Variants in PCNX2 observed in about 807,000 individuals in gnomAD.
PCNX2 encodes the protein pecanex-like protein 2.
PCNX2 carries 168 observed loss-of-function variants against 223.8 expected under a neutral mutation model. That is an observed-to-expected ratio of 0.75 (90% CI 0.66 to 0.85). The LOEUF (loss-of-function observed/expected upper bound fraction) is 0.85. Among genes scored for constraint, PCNX2 ranks in the 40% least tolerant of loss-of-function variants. PCNX2 has a pLI of 0.00. For missense variants in PCNX2, 2,507 were observed against 2,675.5 expected (o/e 0.94, Z 1.39); for synonymous variants, 1,006 against 1,052.6 (o/e 0.96, Z 0.86).
At chr1:233,261,455 T>C in intron 3 of PCNX2, 134 bp from the exon 4 acceptor site, 1 of 743,712 alleles carries the variant, frequency 1.3e-6, no homozygotes, top group East Asian at 2.5e-5. Context: ...GTGTTCACTC[T>C]CCTTAAGCTT....
In PCNX2 at chr1:232,986,436, A is replaced by C. The variant is rs1669487310; in HGVS notation, c.5896T>G (p.Phe1966Val). The change falls in exon 33 of 34, where the codon TTC becomes GTC. Residue 1966 changes from phenylalanine to valine, a missense_variant. Around this residue, in one of 3 missense-constraint regions of PCNX2, gnomAD observed 1,372 missense variants for 1,509.4 expected, o/e 0.91. Coordinates refer to ENST00000258229, the MANE Select transcript of PCNX2 (RefSeq NM_014801.4). ...TGCACTGAGGTGGACGTCTGGAGGA[A>C]TGTTTGGCGGCTCTCTAAGATGGGG... is the stretch of plus-strand genomic sequence containing the variant. Reference protein sequence around the residue: ...SGPILESRQTFLQTSTSVHEL... With the variant: ...SGPILESRQTVLQTSTSVHEL... 6.2e-7 allele frequency: 1 copy of C among 1,607,392 alleles called. No homozygotes were observed. The highest frequency in any genetic ancestry group is 1.3e-5 in the African/African-American group (1 of 74,854).
At chr1:233,130,463 TTTTGTG>T (rs1167725196) in intron 21 of PCNX2, among the ~76,000 whole-genome samples, 25 of 86,292 alleles carry the variant, frequency 2.9e-4, no homozygotes, top group African/African-American at 9.7e-4. Flanking sequence ...GCCCCCCAAC[TTTTGTG>T]TGTGTGTGTG....
At chr1:233,224,412 GAA>G (rs1475604048) in intron 10 of PCNX2, among the ~76,000 whole-genome samples, 1 of 152,218 alleles carries the variant, frequency 6.6e-6, no homozygotes, top group Non-Finnish European at 1.5e-5. Context: ...TTTTAAGGAA[GAA>G]CAGCCTGACT....
intron 25 of PCNX2, among the ~76,000 whole-genome samples, chr1:233,041,947 T>C (rs1671659442): frequency 1.3e-5 from 2 of 152,248 alleles, no homozygotes; most frequent in Non-Finnish European, 2.9e-5. Flanking sequence ...TTTTGTTTCC[T>C]GCACAGAATT....
intron 21 of PCNX2, among the ~76,000 whole-genome samples, chr1:233,107,506 T>C (rs142736372): frequency 1.3e-3 from 193 of 152,366 alleles, no homozygotes; most frequent in Middle Eastern, 3.4e-3. Flanking sequence ...TGAAGCAATA[T>C]AGTTTCAATT....
At chr1:233,145,173 A>C (rs1242367707) in intron 19 of PCNX2, among the ~76,000 whole-genome samples, 2 of 151,984 alleles carry the variant, frequency 1.3e-5, no homozygotes, top group African/African-American at 4.8e-5. Flanking sequence ...TCACCGTGTT[A>C]GCCATGATAG....
chr1:233,236,164 C>T (rs1658399702), intron 9 of PCNX2, among the ~76,000 whole-genome samples: 1 of 151,780 alleles, frequency 6.6e-6, no homozygotes, highest in Non-Finnish European at 1.5e-5. Context: ...CGAAGTATTT[C>T]TTCTTCTAAG....
chr1:233,259,776 T>C (rs1659952612), intron 4 of PCNX2: 1 of 771,392 alleles, frequency 1.3e-6, no homozygotes, highest in African/African-American at 1.9e-5. Flanking sequence ...TCCATGACCC[T>C]GCAAAGAACA....
At chr1:233,247,433 T>G (rs78514257) in intron 8 of PCNX2, among the ~76,000 whole-genome samples, 3,245 of 152,332 alleles carry the variant, frequency 0.021, 123 homozygotes, top group African/African-American at 0.073. Flanking sequence ...AAGTTACACA[T>G]GGCAATGTGT....
At chr1:233,235,957 A>AAAAAAAATATATATATATATAT (rs369886650) in intron 9 of PCNX2, among the ~76,000 whole-genome samples, 3 of 93,108 alleles carry the variant, frequency 3.2e-5, no homozygotes, top group African/African-American at 1.2e-4. Flanking sequence ...CATAAAAAAA[A>AAAAAAAATATATATATATATAT]ATATATATAT....
intron 21 of PCNX2, among the ~76,000 whole-genome samples, chr1:233,096,598 T>C (rs1674183420): frequency 6.6e-6 from 1 of 152,178 alleles, no homozygotes; most frequent in African/African-American, 2.4e-5. Context: ...GGTCAGTCAG[T>C]ATCCCACCAG....
At chr1:233,127,491 G>C (rs1429218621) in intron 21 of PCNX2, among the ~76,000 whole-genome samples, 1 of 152,050 alleles carries the variant, frequency 6.6e-6, no homozygotes, top group East Asian at 1.9e-4. Flanking sequence ...CTGGGCACTT[G>C]TGCTCCTGAA....
intron 19 of PCNX2, among the ~76,000 whole-genome samples, chr1:233,143,660 C>T (rs2102785010): frequency 6.6e-6 from 1 of 152,304 alleles, no homozygotes; most frequent in Admixed American, 6.5e-5. Context: ...TTCCTCTATA[C>T]ATGGAGACTA....
At chr1:233,082,957 T>C (rs75397554) in intron 23 of PCNX2, among the ~76,000 whole-genome samples, 2,772 of 152,232 alleles carry the variant, frequency 0.018, 72 homozygotes, top group African/African-American at 0.063. Flanking sequence ...AATATTGAGT[T>C]AAAACCAGTA....
rs1271377258 is a variant in PCNX2 at position 233,177,999 on chromosome 1, C to G, written c.3177-101G>C. ...ATCTCACACCCACACATGACAAAAA[C>G]AAGTGCTCTCTTCATTTAAAAATTT... On this transcript the variant is annotated intron_variant, in intron 16 of 33. Coordinates refer to ENST00000258229, the MANE Select transcript of PCNX2 (RefSeq NM_014801.4). 5.1e-6 allele frequency: 4 copies of G among 788,372 alleles called. No homozygotes were observed. In the African/African-American group the frequency reaches 7.0e-5, roughly 14 times the overall value. The allele number at this position is 788,372 out of a possible 1,614,324, so 48.8% of individuals were successfully genotyped here.
chr1:233,084,201 T>C (rs1416178621), intron 23 of PCNX2, among the ~76,000 whole-genome samples: 1 of 152,232 alleles, frequency 6.6e-6, no homozygotes, highest in African/African-American at 2.4e-5. Flanking sequence ...AATTGTGGTT[T>C]GACCAACCAC....
chr1:233,113,949 T>C (rs1344323355), intron 21 of PCNX2, among the ~76,000 whole-genome samples: 1 of 152,160 alleles, frequency 6.6e-6, no homozygotes, highest in Non-Finnish European at 1.5e-5. Flanking sequence ...CATTCCGGAG[T>C]TTTATTTCAT....
chr1:233,000,825 A>G lies in PCNX2; in HGVS notation c.5098-290T>C, dbSNP rs1670056848. On this transcript the variant is annotated intron_variant, in intron 29 of 33. Coordinates refer to ENST00000258229, the MANE Select transcript of PCNX2 (RefSeq NM_014801.4). The surrounding 1 kb of genome is among the most constrained non-coding windows in gnomAD (Gnocchi z 4.6). ...ACTTTTGCTAAGTCATTGTCTCTGCACAATACCCATCTTTCTTCTAGTGGA... is the reference window on the plus strand; with the variant it reads ...ACTTTTGCTAAGTCATTGTCTCTGCGCAATACCCATCTTTCTTCTAGTGGA... Among the ~76,000 whole-genome samples, 1 of 152,228 alleles carries G rather than the reference A, an allele frequency of 6.6e-6. No individual in the cohort carries two copies. The highest frequency in any genetic ancestry group is 2.1e-4 in the South Asian group (1 of 4,830).
At chr1:233,096,802 A>G (rs1674198143) in intron 21 of PCNX2, among the ~76,000 whole-genome samples, 1 of 152,248 alleles carries the variant, frequency 6.6e-6, no homozygotes, top group South Asian at 2.1e-4. Flanking sequence ...GAAGGTCACA[A>G]TGAAAACAGG....
Sources: allele counts gnomAD v4.1 joint callset (sites outside exome capture counted in the v4.1 genomes callset), GRCh38; gene constraint gnomAD v4.1.1; regional missense constraint gnomAD v4.1.1; non-coding constraint Gnocchi (gnomAD v3.1); transcripts MANE v1.5; gene names NCBI Gene and HGNC (gene_info 2026-07-23, HGNC 2026-07-21).